The following TMEM45B variants were observed in gnomAD, a reference collection of about 807,000 sequenced individuals.
TMEM45B encodes transmembrane protein 45B.
Under a neutral mutation model 27.3 loss-of-function variants are expected in TMEM45B, and 29 were observed. The observed-to-expected ratio is 1.06, with a 90% CI of 0.79 to 1.45. TMEM45B has a LOEUF of 1.45. Ranked by LOEUF, TMEM45B falls within the 40% of genes most tolerant of loss-of-function variation. TMEM45B has a pLI of 0.00. For missense variants in TMEM45B, 348 were observed against 343.9 expected (o/e 1.01, Z -0.09); for synonymous variants, 143 against 134.7 (o/e 1.06, Z -0.43).
chr11:129,857,111 C>T (rs1333331132), intron 4 of TMEM45B, among the ~76,000 whole-genome samples: 3 of 152,138 alleles, frequency 2.0e-5, no homozygotes, highest in African/African-American at 7.2e-5. Flanking sequence ...CTCAGCCTCC[C>T]GAAGTGCTGG....
chr11:129,822,086 T>G (rs1947426145), intron 1 of TMEM45B, among the ~76,000 whole-genome samples: 1 of 152,196 alleles, frequency 6.6e-6, no homozygotes, highest in South Asian at 2.1e-4. Context: ...ATCCCATGTT[T>G]TTTTAGTTCT....
intron 1 of TMEM45B, among the ~76,000 whole-genome samples, chr11:129,822,403 T>C (rs1350852492): frequency 6.6e-6 from 1 of 152,222 alleles, no homozygotes; most frequent in East Asian, 1.9e-4. Context: ...GTGTGCGTCA[T>C]CTGTGAGCAT....
intron 1 of TMEM45B, among the ~76,000 whole-genome samples, chr11:129,823,061 G>C (rs887031803): frequency 6.6e-6 from 1 of 151,692 alleles, no homozygotes; most frequent in Non-Finnish European, 1.5e-5. Flanking sequence ...GGCTGGTCTC[G>C]AACCCCTGAC....
At chr11:129,850,239 A>G (rs182663752) in intron 1 of TMEM45B, 7 of 151,796 alleles carry the variant, frequency 4.6e-5, no homozygotes, top group Admixed American at 4.6e-4. Context: ...ATCTCGGCTC[A>G]CTGCAACCTC....
intron 1 of TMEM45B, among the ~76,000 whole-genome samples, chr11:129,851,692 G>A (rs372684012): frequency 6.4e-4 from 98 of 152,150 alleles, no homozygotes; most frequent in African/African-American, 2.2e-3. Context: ...CCAGGCCAGT[G>A]GGGAAAATAA....
In TMEM45B at chr11:129,848,385, G is replaced by C. The variant is rs549928920; in HGVS notation, c.-8-4090G>C. 7.3e-3 allele frequency among the ~76,000 whole-genome samples: 1,116 copies of C among 151,960 alleles called. 5 individuals carry two copies. The highest frequency in any genetic ancestry group is 0.02 in the Middle Eastern group (6 of 294). ...AAAACCCGTCAGGCGTGGCGGCGCG[G>C]GCCTGCAATCCCAGGCACTCGGCAG... On this transcript the variant is annotated intron_variant, in intron 1 of 5. Coordinates refer to ENST00000281441, the MANE Select transcript of TMEM45B (RefSeq NM_138788.5).
chr11:129,817,406 G>T (rs547012379), intron 1 of TMEM45B, among the ~76,000 whole-genome samples: 67 of 152,272 alleles, frequency 4.4e-4, no homozygotes, highest in Non-Finnish European at 5.7e-4. Context: ...CTGTTCCTGG[G>T]GTTTCTGGGA....
At chr11:129,857,556 T>C (rs1387210535) in intron 5 of TMEM45B, 98 bp downstream of exon 5, 1 of 1,399,974 alleles carries the variant, frequency 7.1e-7, no homozygotes, top group East Asian at 2.3e-5. Flanking sequence ...ACAGGCCAAA[T>C]TCTGTGCAAG....
At chr11:129,824,128 T>A (rs1362681382) in intron 1 of TMEM45B, among the ~76,000 whole-genome samples, 1 of 152,206 alleles carries the variant, frequency 6.6e-6, no homozygotes, top group Non-Finnish European at 1.5e-5. Flanking sequence ...TGGCCATTAC[T>A]GAGATAGCTC....
At chr11:129,835,007 T>C (rs1947603378) in intron 1 of TMEM45B, among the ~76,000 whole-genome samples, 1 of 152,158 alleles carries the variant, frequency 6.6e-6, no homozygotes, top group African/African-American at 2.4e-5. Flanking sequence ...ATTTGTTGAA[T>C]TGGATTCTCA....
intron 1 of TMEM45B, among the ~76,000 whole-genome samples, chr11:129,835,960 A>G (rs186808846): frequency 6.6e-6 from 1 of 152,300 alleles, no homozygotes; most frequent in Non-Finnish European, 1.5e-5. Flanking sequence ...TCTACTAAAA[A>G]TACAAAAAAT....
At chr11:129,846,663 T>TA (rs372465526) in intron 1 of TMEM45B, among the ~76,000 whole-genome samples, 14 of 151,632 alleles carry the variant, frequency 9.2e-5, no homozygotes, top group Admixed American at 2.0e-4. Context: ...GACAGATGCT[T>TA]AAAAAAAAAT....
At chr11:129,821,468 A>G (rs1947419077) in intron 1 of TMEM45B, among the ~76,000 whole-genome samples, 3 of 152,164 alleles carry the variant, frequency 2.0e-5, no homozygotes. Flanking sequence ...TGTGGAATAC[A>G]TATGTACTTT....
At chr11:129,850,302 C>CT (rs957418418) in intron 1 of TMEM45B, 3 of 152,074 alleles carry the variant, frequency 2.0e-5, no homozygotes, top group African/African-American at 7.3e-5. Flanking sequence ...GTAGCTGGGA[C>CT]TACAGGCTCC....
chr11:129,839,967 T>C (rs1380987343), intron 1 of TMEM45B, among the ~76,000 whole-genome samples: 1 of 152,266 alleles, frequency 6.6e-6, no homozygotes, highest in Admixed American at 6.5e-5. Flanking sequence ...ATTTAACATG[T>C]ATTTTATTTA....
Position 129,854,175 on chromosome 11 carries a change from GTC to G in TMEM45B, c.179-431_179-430del, listed in dbSNP as rs1477201979. On this transcript the variant is annotated intron_variant, in intron 2 of 5. Coordinates refer to ENST00000281441, the MANE Select transcript of TMEM45B (RefSeq NM_138788.5). ...GTACAGGTATCTTCATTACCAGTGT[GTC>G]TCTGCTCAGATTCTGCTTTCAGCCT... Among the ~76,000 whole-genome samples, 6 of 152,286 alleles carry G rather than the reference GTC, an allele frequency of 3.9e-5. No individual in the cohort carries two copies. The South Asian group carries it at 1.2e-3, about 32-fold the overall frequency.
chr11:129,854,564 T>C, intron 2 of TMEM45B, 46 bp from the exon 3 acceptor site: 1 of 1,592,018 alleles, frequency 6.3e-7, no homozygotes, highest in Non-Finnish European at 8.6e-7. Flanking sequence ...CTATTTGTCT[T>C]AGAGCTACTC....
chr11:129,844,643 T>A (rs1947735041), intron 1 of TMEM45B, among the ~76,000 whole-genome samples: 1 of 152,198 alleles, frequency 6.6e-6, no homozygotes, highest in African/African-American at 2.4e-5. Flanking sequence ...ACTATGATTA[T>A]GCCACTGCAC....
chr11:129,858,214 T>C (rs79038083), intron 5 of TMEM45B, among the ~76,000 whole-genome samples: 4,298 of 152,230 alleles, frequency 0.028, 189 homozygotes, highest in African/African-American at 0.099. Context: ...CCAAGCAGAA[T>C]ATTAGGTTGG....
Sources: gnomAD v4.1 joint callset for allele counts (sites outside exome capture counted in the v4.1 genomes callset) on GRCh38, gnomAD v4.1.1 for gene constraint, MANE v1.5 for transcripts, NCBI Gene and HGNC (gene_info 2026-07-23, HGNC 2026-07-21) for gene names.